The following ADAMTSL1 variants were observed in gnomAD, a reference collection of about 807,000 sequenced individuals.
ADAMTSL1 encodes ADAMTS like 1.
A neutral mutation model predicts 201.8 loss-of-function variants in ADAMTSL1; 126 were observed. That is an observed-to-expected ratio of 0.62 (90% CI 0.54 to 0.72). The LOEUF (loss-of-function observed/expected upper bound fraction) is 0.72. ADAMTSL1 is among the 30% of genes least tolerant of loss of function. ADAMTSL1 has a pLI of 0.00. For synonymous variants in ADAMTSL1, 1,121 were observed against 903.4 expected (o/e 1.24, Z -4.32); for missense variants, 2,679 against 2,277.8 (o/e 1.18, Z -3.59).
chr9:18,212,295 C>G (rs923841913), intron 2 of ADAMTSL1, among the ~76,000 whole-genome samples: 2 of 152,072 alleles, frequency 1.3e-5, no homozygotes, highest in Non-Finnish European at 2.9e-5. Context: ...TGTTTATGAA[C>G]TTTATGACCA....
chr9:18,889,112 G>A (rs555981069), intron 24 of ADAMTSL1, among the ~76,000 whole-genome samples: 2 of 152,270 alleles, frequency 1.3e-5, no homozygotes, highest in East Asian at 3.9e-4. Flanking sequence ...GGTAACATTT[G>A]CAAAGTCCAG....
intron 2 of ADAMTSL1, among the ~76,000 whole-genome samples, chr9:18,169,521 T>G (rs1391710730): frequency 2.0e-5 from 3 of 152,174 alleles, no homozygotes; most frequent in Admixed American, 6.6e-5. Flanking sequence ...CTGTTTTGGT[T>G]ACTGTAGCCT....
intron 1 of ADAMTSL1, among the ~76,000 whole-genome samples, chr9:18,081,459 C>A (rs1823496803): frequency 6.6e-6 from 1 of 152,024 alleles, no homozygotes; most frequent in South Asian, 2.1e-4. Flanking sequence ...TACAGCTGAC[C>A]TTACATACAA....
chr9:18,766,119 G>C (rs1367549695), intron 16 of ADAMTSL1, among the ~76,000 whole-genome samples: 1 of 152,140 alleles, frequency 6.6e-6, no homozygotes, highest in Non-Finnish European at 1.5e-5. Context: ...AGATTACAGA[G>C]GTGTACAACG....
At chr9:18,112,165 T>C (rs1302706028) in intron 1 of ADAMTSL1, among the ~76,000 whole-genome samples, 1 of 152,166 alleles carries the variant, frequency 6.6e-6, no homozygotes, top group Admixed American at 6.6e-5. Context: ...GGAAGATAGA[T>C]AATGTGTACT....
chr9:18,280,073 T>C (rs1273438246), intron 2 of ADAMTSL1, among the ~76,000 whole-genome samples: 1 of 152,128 alleles, frequency 6.6e-6, no homozygotes, highest in South Asian at 2.1e-4. Context: ...TGAACCCTAG[T>C]TTTTTTGAAG....
At chr9:18,719,168 A>G (rs903889320) in intron 14 of ADAMTSL1, among the ~76,000 whole-genome samples, 1 of 152,220 alleles carries the variant, frequency 6.6e-6, no homozygotes, top group African/African-American at 2.4e-5. Context: ...TGCAGTCAGC[A>G]TTACAGAATA....
chr9:18,179,495 G>A (rs1299607900), intron 2 of ADAMTSL1, among the ~76,000 whole-genome samples: 2 of 152,144 alleles, frequency 1.3e-5, no homozygotes, highest in Non-Finnish European at 2.9e-5. Flanking sequence ...AGCAAGGCAG[G>A]CCAACATTCA....
chr9:18,696,733 G>T (rs1214634358), intron 13 of ADAMTSL1, among the ~76,000 whole-genome samples: 1 of 152,074 alleles, frequency 6.6e-6, no homozygotes, highest in Admixed American at 6.5e-5. Flanking sequence ...ACTCAGCAGT[G>T]TGGCCTTAGA....
At chr9:18,005,352 G>A (rs1006034385) in intron 1 of ADAMTSL1, among the ~76,000 whole-genome samples, 4 of 151,990 alleles carry the variant, frequency 2.6e-5, no homozygotes, top group African/African-American at 4.8e-5. Context: ...ATGAGACATG[G>A]CCTTTATTGA....
intron 23 of ADAMTSL1, among the ~76,000 whole-genome samples, chr9:18,860,368 A>G (rs1467831126): frequency 6.6e-6 from 1 of 152,174 alleles, no homozygotes; most frequent in Non-Finnish European, 1.5e-5. Context: ...CCCTTTATAA[A>G]TAAGATTTTA....
At chr9:18,052,308 G>T (rs1821974181) in intron 1 of ADAMTSL1, among the ~76,000 whole-genome samples, 1 of 152,230 alleles carries the variant, frequency 6.6e-6, no homozygotes, top group African/African-American at 2.4e-5. Context: ...TGAAGTGAAA[G>T]AATGAGCTAC....
chr9:18,907,579 A>G lies in ADAMTSL1; in HGVS notation c.5182+667A>G, dbSNP rs148286499. 6.1e-3 allele frequency: 932 copies of G among 152,496 alleles called. 4 individuals carry two copies. Among genetic ancestry groups the G allele is most frequent in the Non-Finnish European group, 0.01 (706 of 68,168 alleles). 9.4% of individuals were successfully genotyped at this position (152,496 alleles called of 1,614,324 possible). On this transcript the variant is annotated intron_variant, in intron 28 of 28. Coordinates refer to ENST00000380548, the MANE Select transcript of ADAMTSL1 (RefSeq NM_001040272.6). Reference sequence around the variant, plus strand: ...GGCAAAGCTTGAGGCAAAGAGTAGGAAGTAAAAACCAAATGTAGCTGTGCA... The same window carrying G: ...GGCAAAGCTTGAGGCAAAGAGTAGGGAGTAAAAACCAAATGTAGCTGTGCA...
At chr9:18,669,567 A>G (rs377192098) in intron 9 of ADAMTSL1, among the ~76,000 whole-genome samples, 18 of 152,348 alleles carry the variant, frequency 1.2e-4, no homozygotes, top group Admixed American at 9.8e-4. Flanking sequence ...GGACCTAATT[A>G]TAGAATATTT....
At chr9:18,568,491 C>A (rs1822081639) in intron 3 of ADAMTSL1, among the ~76,000 whole-genome samples, 1 of 152,132 alleles carries the variant, frequency 6.6e-6, no homozygotes, top group Admixed American at 6.5e-5. Flanking sequence ...GAGGGTAAAA[C>A]AACTGGTAAC....
intron 1 of ADAMTSL1, among the ~76,000 whole-genome samples, chr9:18,002,988 G>C (rs905725658): frequency 6.6e-6 from 1 of 152,030 alleles, no homozygotes; most frequent in Non-Finnish European, 1.5e-5. Context: ...ACTCTGAATT[G>C]CTCATCATCA....
chr9:18,166,294 A>G (rs1827626687), intron 2 of ADAMTSL1, among the ~76,000 whole-genome samples: 1 of 151,886 alleles, frequency 6.6e-6, no homozygotes, highest in Admixed American at 6.6e-5. Flanking sequence ...TTAATCACAA[A>G]TGAATAGAGA....
At chr9:17,915,026 A>G (rs1226243715) in intron 1 of ADAMTSL1, among the ~76,000 whole-genome samples, 1 of 151,936 alleles carries the variant, frequency 6.6e-6, no homozygotes, top group African/African-American at 2.4e-5. Flanking sequence ...GCTACTAAGG[A>G]TTTTTATTTG....
chr9:18,485,565 G>C (rs539184214), intron 1 of ADAMTSL1, among the ~76,000 whole-genome samples: 2 of 152,202 alleles, frequency 1.3e-5, no homozygotes, highest in African/African-American at 2.4e-5. Context: ...TGGGAGGGAT[G>C]CTGGCATTTT....
Sources: gnomAD v4.1 joint callset for allele counts (sites outside exome capture counted in the v4.1 genomes callset) on GRCh38, gnomAD v4.1.1 for gene constraint, MANE v1.5 for transcripts, NCBI Gene and HGNC (gene_info 2026-07-23, HGNC 2026-07-21) for gene names.